The following RGS3 variants were observed in gnomAD, a reference collection of about 807,000 sequenced individuals.
RGS3 encodes regulator of G protein signaling 3.
A neutral mutation model predicts 132.6 loss-of-function variants in RGS3; 80 were observed. That is an observed-to-expected ratio of 0.60 (90% CI 0.50 to 0.73). The LOEUF (loss-of-function observed/expected upper bound fraction) is 0.73, where lower values mean the gene tolerates loss of function less well. Ranked by LOEUF, RGS3 falls within the 30% of genes least tolerant of loss-of-function variation. RGS3 has a pLI of 0.00. For missense variants in RGS3, 1,382 were observed against 1,530.8 expected (o/e 0.90, Z 1.62); for synonymous variants, 598 against 620.6 (o/e 0.96, Z 0.54).
At chr9:113,495,736 G>A (rs377079690) in intron 7 of RGS3, 50 bp from the exon 6 acceptor site, 17 of 1,525,478 alleles carry the variant, frequency 1.1e-5, no homozygotes, top group Middle Eastern at 1.7e-4. Context: ...TGGACCTCCC[G>A]ATAGAGCCCA....
intron 19 of RGS3, among the ~76,000 whole-genome samples, chr9:113,542,993 A>G (rs527885273): frequency 6.6e-6 from 1 of 152,212 alleles, no homozygotes; most frequent in Non-Finnish European, 1.5e-5. Flanking sequence ...AGCCCAGCCC[A>G]CTCACTGCCT....
At chr9:113,554,088 C>G (rs144889547) in intron 19 of RGS3, among the ~76,000 whole-genome samples, 13 of 152,354 alleles carry the variant, frequency 8.5e-5, no homozygotes, top group African/African-American at 3.1e-4. Flanking sequence ...CTCCCCAACA[C>G]TATTGTTCTT....
chr9:113,533,838 C>T (rs1236943691), intron 18 of RGS3, among the ~76,000 whole-genome samples: 1 of 152,222 alleles, frequency 6.6e-6, no homozygotes, highest in Non-Finnish European at 1.5e-5. Context: ...CCCGGCTTCT[C>T]CCTGGGAAAT....
chr9:113,545,170 A>G (rs541701069), intron 19 of RGS3, among the ~76,000 whole-genome samples: 2 of 152,334 alleles, frequency 1.3e-5, no homozygotes, highest in Admixed American at 6.5e-5. Flanking sequence ...AAGGATCAGC[A>G]GACAGAGTCA....
At chr9:113,472,632 G>T (rs918769025) in intron 3 of RGS3, among the ~76,000 whole-genome samples, 1 of 152,202 alleles carries the variant, frequency 6.6e-6, no homozygotes, top group African/African-American at 2.4e-5. Context: ...AGGGAATAGG[G>T]TGTGACTGCG....
rs751795626 is a variant in RGS3 at position 113,583,889 on chromosome 9, C to T, written c.2477C>T (p.Ala826Val). Residue 826 changes from alanine to valine, a missense_variant, in exon 20 of 25, where the codon GCC becomes GTC. Ala to Val is a moderately conservative substitution (Grantham distance 64). Coordinates refer to ENST00000350696, the Ensembl canonical transcript of RGS3. ...CCTCCTAGCCAGGTCTCCCTGCCAG[C>T]CAAGGCCCTTACTGAGGACACCATG... 4.3e-6 allele frequency: 7 copies of T among 1,614,088 alleles called. No homozygotes were observed. The South Asian group carries it at 6.6e-5, about 15-fold the overall frequency.
chr9:113,510,065 G>A (rs529375259), intron 14 of RGS3, among the ~76,000 whole-genome samples: 3 of 152,154 alleles, frequency 2.0e-5, no homozygotes, highest in South Asian at 2.1e-4. Context: ...CACCCCATTC[G>A]TAGTCTTTTA....
intron 18 of RGS3, among the ~76,000 whole-genome samples, chr9:113,529,639 T>C (rs1832381169): frequency 6.6e-6 from 1 of 152,224 alleles, no homozygotes. Flanking sequence ...TACCTGCCTC[T>C]TGCTTCCACG....
intron 3 of RGS3, among the ~76,000 whole-genome samples, chr9:113,477,515 A>C (rs1830031291): frequency 1.3e-5 from 2 of 152,146 alleles, no homozygotes; most frequent in African/African-American, 4.8e-5. Flanking sequence ...CCTGTTCTCT[A>C]ACCAGAAACA....
At chr9:113,586,161 GGA>G (rs1835109532) in intron 20 of RGS3, among the ~76,000 whole-genome samples, 1 of 152,180 alleles carries the variant, frequency 6.6e-6, no homozygotes, top group Admixed American at 6.5e-5. Context: ...GGTTTCTACA[GGA>G]GAGAGTCCGG....
At chr9:113,515,771 T>G (rs1009038441) in intron 15 of RGS3, among the ~76,000 whole-genome samples, 3 of 152,284 alleles carry the variant, frequency 2.0e-5, no homozygotes, top group African/African-American at 7.2e-5. Flanking sequence ...TTATATCATG[T>G]TGCCTTTTTA....
At position 113,591,735 on chromosome 9, in the gene RGS3, G is replaced by C. The variant is rs1835439327; in HGVS notation, c.3080+338G>C. ...TTCAACAACTCCTTTGCTCCCTCTG[G>C]GCCCAAGAGTGACCTGAGAAGGGGT... On this transcript the variant is annotated intron_variant, in intron 21 of 24. Transcript: ENST00000350696. This position sits in a 1 kb window ranked among gnomAD's most constrained non-coding sequence, Gnocchi z 4.4. 2 of 264,194 alleles carry C rather than the reference G, an allele frequency of 7.6e-6. No homozygotes were observed. The highest frequency in any genetic ancestry group is 1.5e-5 in the Non-Finnish European group (2 of 131,054). 16.4% of individuals were successfully genotyped at this position (264,194 alleles called of 1,614,324 possible).
intron 3 of RGS3, among the ~76,000 whole-genome samples, chr9:113,474,560 G>A (rs1258188171): frequency 1.3e-5 from 2 of 152,160 alleles, no homozygotes; most frequent in African/African-American, 2.4e-5. Flanking sequence ...ATCTGGCTGG[G>A]CACCCTCCCT....
chr9:113,448,924 G>A (rs577997450), intron 1 of RGS3, among the ~76,000 whole-genome samples: 2 of 152,134 alleles, frequency 1.3e-5, no homozygotes, highest in Non-Finnish European at 2.9e-5. Context: ...TGGAGGTGGC[G>A]TTTGAAGTGG....
chr9:113,515,950 C>T (rs1831636937), intron 15 of RGS3, among the ~76,000 whole-genome samples: 1 of 152,188 alleles, frequency 6.6e-6, no homozygotes, highest in Non-Finnish European at 1.5e-5. Flanking sequence ...GATGAAAATC[C>T]TTGCGCATGG....
intron 4 of RGS3, among the ~76,000 whole-genome samples, chr9:113,481,447 G>C (rs1338635337): frequency 1.3e-5 from 2 of 152,254 alleles, no homozygotes; most frequent in Non-Finnish European, 2.9e-5. Flanking sequence ...ATACTGGGCA[G>C]AGTAGACTAG....
At chr9:113,539,480 T>C (rs1282777238) in intron 19 of RGS3, among the ~76,000 whole-genome samples, 1 of 152,192 alleles carries the variant, frequency 6.6e-6, no homozygotes, top group Non-Finnish European at 1.5e-5. Flanking sequence ...TGGCTAATTT[T>C]TTTATTTTTA....
chr9:113,531,345 A>G (rs1252317750), intron 18 of RGS3, among the ~76,000 whole-genome samples: 2 of 152,206 alleles, frequency 1.3e-5, no homozygotes, highest in East Asian at 3.8e-4. Context: ...GAGTTAGGAA[A>G]ACCTAGATTT....
intron 18 of RGS3, among the ~76,000 whole-genome samples, chr9:113,529,579 C>T (rs1251598492): frequency 1.3e-5 from 2 of 152,198 alleles, no homozygotes; most frequent in Non-Finnish European, 2.9e-5. Context: ...CTGTGCATCA[C>T]CCTGTTTACT....
Sources: allele counts gnomAD v4.1 joint callset (sites outside exome capture counted in the v4.1 genomes callset), GRCh38; gene constraint gnomAD v4.1.1; non-coding constraint Gnocchi (gnomAD v3.1); transcripts MANE v1.5; gene names NCBI Gene and HGNC (gene_info 2026-07-23, HGNC 2026-07-21).